DLC1: variants seen among roughly 807,000 people sequenced by gnomAD.
The protein encoded by DLC1 is rho GTPase-activating protein 7.
DLC1 carries 54 observed loss-of-function variants against 140.3 expected under a neutral mutation model. The observed-to-expected ratio is 0.38, with a 90% CI of 0.31 to 0.48. The LOEUF (loss-of-function observed/expected upper bound fraction) is 0.48. DLC1 is among the 20% of genes least tolerant of loss of function. DLC1 has a pLI of 0.96. For synonymous variants in DLC1, 986 were observed against 728.1 expected (o/e 1.35, Z -5.70); for missense variants, 2,536 against 1,907.0 (o/e 1.33, Z -6.14).
intron 2 of DLC1, among the ~76,000 whole-genome samples, chr8:13,410,625 T>TA (rs1264045800): frequency 6.8e-6 from 1 of 147,536 alleles, no homozygotes; most frequent in Non-Finnish European, 1.5e-5. Context: ...TAGAAGTAAC[T>TA]AAAAAAAGAA....
chr8:13,369,082 A>T (rs1835616926), intron 4 of DLC1, among the ~76,000 whole-genome samples: 1 of 152,134 alleles, frequency 6.6e-6, no homozygotes, highest in South Asian at 2.1e-4. Flanking sequence ...TCAGCCTTTG[A>T]TGATGTTTAG....
At chr8:13,160,685 G>C (rs1824622517) in intron 5 of DLC1, among the ~76,000 whole-genome samples, 1 of 152,216 alleles carries the variant, frequency 6.6e-6, no homozygotes, top group African/African-American at 2.4e-5. Flanking sequence ...TATGTTAAAA[G>C]AGAGGGCTTT....
intron 2 of DLC1, among the ~76,000 whole-genome samples, chr8:13,440,271 C>G (rs1755870750): frequency 6.6e-6 from 1 of 152,122 alleles, no homozygotes; most frequent in Admixed American, 6.6e-5. Flanking sequence ...CCTATGCCCT[C>G]TAAAAGTGAT....
chr8:13,220,940 G>T (rs933813474), intron 5 of DLC1, among the ~76,000 whole-genome samples: 3 of 152,186 alleles, frequency 2.0e-5, no homozygotes, highest in Admixed American at 1.3e-4. Flanking sequence ...AGCAAGACAG[G>T]CTGTGGGCAG....
intron 2 of DLC1, among the ~76,000 whole-genome samples, chr8:13,471,497 CAGGGAAAGGAGGG>C (rs1460407063): frequency 4.3e-5 from 5 of 115,444 alleles, no homozygotes; most frequent in African/African-American, 1.2e-4. Flanking sequence ...GGAAGGGAGG[CAGGGAAAGGAGGG>C]AGGGAAAGGA....
chr8:13,551,075 C>CACACACACT (rs71207163), intron 1 of DLC1, among the ~76,000 whole-genome samples: 17,860 of 121,574 alleles, frequency 0.15, 1,736 homozygotes, highest in Middle Eastern at 0.21. Flanking sequence ...CACACACACA[C>CACACACACT]TTTTTTTTTT....
At chr8:13,336,750 A>AGT in intron 4 of DLC1, among the ~76,000 whole-genome samples, 1 of 152,336 alleles carries the variant, frequency 6.6e-6, no homozygotes, top group Admixed American at 6.5e-5. Context: ...AATACAAAAT[A>AGT]GTGTTAATTA....
chr8:13,548,982 C>T (rs961579049), intron 1 of DLC1, among the ~76,000 whole-genome samples: 4 of 152,016 alleles, frequency 2.6e-5, no homozygotes, highest in Non-Finnish European at 4.4e-5. Context: ...ACTTTGTCCC[C>T]TCAATTTATA....
In DLC1 at chr8:13,401,625, G is replaced by T. The variant is rs761319834; in HGVS notation, c.1024-6C>A. The T allele has an allele frequency of 1.2e-6, 2 of 1,608,368 alleles. No homozygotes were observed. Among genetic ancestry groups the T allele is most frequent in the South Asian group, 2.2e-5 (2 of 89,930 alleles). On this transcript the variant is annotated splice_polypyrimidine_tract_variant and splice_region_variant and intron_variant, in intron 2 of 17. Coordinates refer to ENST00000276297, the MANE Select transcript of DLC1 (RefSeq NM_182643.3). ...TCTCGATCTTCTCTTATTTCCTGAG[G>T]AACAGAACATTTTGTTACTGAATCT...
chr8:13,127,615 C>T (rs1255329062), intron 5 of DLC1, among the ~76,000 whole-genome samples: 3 of 152,324 alleles, frequency 2.0e-5, no homozygotes, highest in South Asian at 2.1e-4. Flanking sequence ...AGGGACACAG[C>T]GTGGCTGTGG....
intron 4 of DLC1, among the ~76,000 whole-genome samples, chr8:13,333,231 T>G (rs987221603): frequency 6.6e-6 from 1 of 152,210 alleles, no homozygotes; most frequent in African/African-American, 2.4e-5. Context: ...ATCCTTTCTT[T>G]TTTCTTTTCT....
chr8:13,105,958 T>C (rs944209889), intron 7 of DLC1, among the ~76,000 whole-genome samples: 1 of 152,170 alleles, frequency 6.6e-6, no homozygotes, highest in African/African-American at 2.4e-5. Flanking sequence ...CCTCACACAG[T>C]GGCTGATATG....
At chr8:13,290,835 G>A (rs1310784475) in intron 5 of DLC1, among the ~76,000 whole-genome samples, 6 of 152,226 alleles carry the variant, frequency 3.9e-5, no homozygotes, top group Non-Finnish European at 7.3e-5. Flanking sequence ...GAGCATTCCT[G>A]TGATGGCACT....
At chr8:13,404,813 C>T (rs1423854874) in intron 2 of DLC1, among the ~76,000 whole-genome samples, 5 of 152,040 alleles carry the variant, frequency 3.3e-5, no homozygotes, top group South Asian at 2.1e-4. Context: ...GCCTGGCCAA[C>T]ATGGTGAAAC....
At chr8:13,164,662 A>G (rs1386149597) in intron 5 of DLC1, among the ~76,000 whole-genome samples, 1 of 152,206 alleles carries the variant, frequency 6.6e-6, no homozygotes, top group Non-Finnish European at 1.5e-5. Context: ...GTAGCAAGGC[A>G]TAGCCAGTGC....
intron 3 of DLC1, among the ~76,000 whole-genome samples, chr8:13,394,992 A>G (rs919123190): frequency 1.4e-5 from 2 of 145,536 alleles, no homozygotes; most frequent in Admixed American, 7.0e-5. Flanking sequence ...TTGCTTGCTA[A>G]TCTACTACAT....
intron 5 of DLC1, among the ~76,000 whole-genome samples, chr8:13,257,631 T>A (rs996631500): frequency 2.0e-5 from 3 of 151,956 alleles, no homozygotes; most frequent in African/African-American, 4.8e-5. Flanking sequence ...ACATTAAAAA[T>A]TATTTAGTGG....
intron 1 of DLC1, among the ~76,000 whole-genome samples, chr8:13,510,168 A>G (rs1291206190): frequency 2.0e-5 from 2 of 99,258 alleles, no homozygotes; most frequent in Non-Finnish European, 3.8e-5. Flanking sequence ...ATTATTCTTT[A>G]TTCTTTTTTT....
intron 5 of DLC1, among the ~76,000 whole-genome samples, chr8:13,248,200 C>A (rs550990170): frequency 9.2e-5 from 14 of 152,268 alleles, no homozygotes; most frequent in African/African-American, 2.9e-4. Context: ...CTCTTCCCAG[C>A]CCCTTTCTCT....
Sources: allele counts gnomAD v4.1 joint callset (sites outside exome capture counted in the v4.1 genomes callset), GRCh38; gene constraint gnomAD v4.1.1; transcripts MANE v1.5; gene names NCBI Gene and HGNC (gene_info 2026-07-23, HGNC 2026-07-21).